Variants in TXNDC11 observed in about 807,000 individuals in gnomAD.
TXNDC11 encodes the protein thioredoxin domain-containing protein 11.
Under a neutral mutation model 78.0 loss-of-function variants are expected in TXNDC11, and 68 were observed. The ratio of observed to expected loss-of-function variants is 0.87; its 90% CI spans 0.72 to 1.07. The LOEUF is 1.07. Among genes scored for constraint, TXNDC11 ranks in the 50% least tolerant of loss-of-function variants. The pLI, the probability that TXNDC11 is intolerant of heterozygous loss-of-function variation, is 0.00. For missense variants in TXNDC11, 1,389 were observed against 1,221.8 expected (o/e 1.14, Z -2.04); for synonymous variants, 571 against 495.2 (o/e 1.15, Z -2.03).
intron 6 of TXNDC11, 116 bp from the exon 7 acceptor site, chr16:11,698,441 C>T (rs2050919798): frequency 1.2e-5 from 10 of 848,076 alleles, no homozygotes; most frequent in East Asian, 7.7e-5. Context: ...AGGCGTGGAG[C>T]GGGGCCTGGC....
At chr16:11,700,794 C>T (rs1302871529) in intron 5 of TXNDC11, among the ~76,000 whole-genome samples, 2 of 152,192 alleles carry the variant, frequency 1.3e-5, no homozygotes, top group Non-Finnish European at 2.9e-5. Context: ...ACGTCTCTGA[C>T]AATCACTTGT....
Position 11,742,540 on chromosome 16 carries a change from TC to T in TXNDC11, c.190del (p.Glu64SerfsTer27). The T allele has an allele frequency of 1.4e-6, 2 of 1,460,770 alleles. No individual in the cohort carries two copies. The highest frequency in any genetic ancestry group is 2.6e-5 in the South Asian group (2 of 75,854). 90.5% of individuals were successfully genotyped at this position (1,460,770 alleles called of 1,614,324 possible). On this transcript the variant is annotated frameshift_variant, in exon 1 of 12. Coordinates refer to ENST00000283033, the MANE Select transcript of TXNDC11 (RefSeq NM_015914.7). LOFTEE classifies it high-confidence loss of function. Reference sequence around the variant, plus strand: ...GAGCGCCACGGCCCCGCAGAGCAGCTCCGGCCGCTGGCGCGCCATGAGGAAG... The same window carrying T: ...GAGCGCCACGGCCCCGCAGAGCAGCTCGGCCGCTGGCGCGCCATGAGGAAG... The part of the protein sequence containing the change: ...GAFLMARQRP[E>X]LLCGAVALGC...
intron 1 of TXNDC11, among the ~76,000 whole-genome samples, chr16:11,739,110 A>G (rs1395930287): frequency 6.6e-6 from 1 of 152,226 alleles, no homozygotes; most frequent in African/African-American, 2.4e-5. Context: ...GAAAGGATAA[A>G]GAGCAACTCA....
chr16:11,691,848 G>A lies in TXNDC11; in HGVS notation c.1342C>T (p.Gln448Ter). Reference sequence around the variant, plus strand: ...CTCGGCTTCATGCCCCCGGAGGTCTGGTTGACACAGAGTTCACAGACGTTG... The same window carrying A: ...CTCGGCTTCATGCCCCCGGAGGTCTAGTTGACACAGAGTTCACAGACGTTG... The part of the protein sequence containing the change: ...THNVCELCVN[Q>*]TSGGMKPSSV... The change falls in exon 8 of 12, where the codon CAG (glutamine) becomes TAG (stop). Residue 448 changes from glutamine to a stop codon, truncating the protein, a stop_gained. Transcript: ENST00000283033. LOFTEE classifies it high-confidence loss of function. The A allele has an allele frequency of 6.2e-7, 1 of 1,614,252 alleles. No individual in the cohort carries two copies. The highest frequency in any genetic ancestry group is 8.5e-7 in the Non-Finnish European group (1 of 1,180,044).
intron 5 of TXNDC11, among the ~76,000 whole-genome samples, chr16:11,705,428 G>C (rs940286816): frequency 6.6e-6 from 1 of 152,190 alleles, no homozygotes; most frequent in Non-Finnish European, 1.5e-5. Flanking sequence ...AAGAGAGGAC[G>C]TGATTTAGTA....
chr16:11,709,827 A>G (rs1255085957), intron 5 of TXNDC11, among the ~76,000 whole-genome samples: 1 of 152,232 alleles, frequency 6.6e-6, no homozygotes, highest in African/African-American at 2.4e-5. Context: ...CTGTAGTACT[A>G]AATACGCATT....
chr16:11,701,186 G>C (rs541436070), intron 5 of TXNDC11, among the ~76,000 whole-genome samples: 70 of 139,686 alleles, frequency 5.0e-4, no homozygotes, highest in African/African-American at 1.9e-3. Flanking sequence ...GCCCAGGTTG[G>C]AGTGCAGTGG....
At chr16:11,686,818 A>G (rs9929898) in intron 10 of TXNDC11, among the ~76,000 whole-genome samples, 5,973 of 152,278 alleles carry the variant, frequency 0.039, 414 homozygotes, top group African/African-American at 0.14. Context: ...GGGAGGCTGG[A>G]GTATGAATGC....
chr16:11,715,498 A>T (rs530292686), intron 5 of TXNDC11, among the ~76,000 whole-genome samples: 1 of 152,018 alleles, frequency 6.6e-6, no homozygotes, highest in African/African-American at 2.4e-5. Flanking sequence ...CAGGCAGGGA[A>T]ATTCCTACAC....
At chr16:11,734,884 T>C (rs1224915855) in intron 2 of TXNDC11, among the ~76,000 whole-genome samples, 1 of 152,166 alleles carries the variant, frequency 6.6e-6, no homozygotes, top group Admixed American at 6.5e-5. Context: ...CTTGCTACAA[T>C]GACTGGGGGA....
chr16:11,702,639 C>T (rs1165563157), intron 5 of TXNDC11, among the ~76,000 whole-genome samples: 1 of 152,216 alleles, frequency 6.6e-6, no homozygotes, highest in Non-Finnish European at 1.5e-5. Context: ...GATCGTGCCA[C>T]TGCACTCTAG....
chr16:11,730,564 T>G, intron 4 of TXNDC11, 81 bp downstream of exon 4: 4 of 1,458,978 alleles, frequency 2.7e-6, no homozygotes, highest in Non-Finnish European at 3.8e-6. Flanking sequence ...GGTATTTTTT[T>G]AAACCCCTTT....
intron 5 of TXNDC11, among the ~76,000 whole-genome samples, chr16:11,704,073 CAA>C (rs1209898690): frequency 6.6e-6 from 1 of 151,990 alleles, no homozygotes; most frequent in Admixed American, 6.6e-5. Flanking sequence ...GCCTGGGTGA[CAA>C]GAGTGAAACT....
At chr16:11,682,570 G>C (rs975396214) in intron 11 of TXNDC11, among the ~76,000 whole-genome samples, 6 of 152,184 alleles carry the variant, frequency 3.9e-5, no homozygotes, top group Non-Finnish European at 8.8e-5. Context: ...CAGCTGCTGA[G>C]AACTTCTTCA....
intron 1 of TXNDC11, among the ~76,000 whole-genome samples, chr16:11,737,900 G>C (rs2052274019): frequency 1.4e-5 from 2 of 146,056 alleles, no homozygotes; most frequent in African/African-American, 5.1e-5. Flanking sequence ...AGGAGGAGCA[G>C]ACTGCCAGAC....
intron 5 of TXNDC11, among the ~76,000 whole-genome samples, chr16:11,707,830 T>G (rs1567321307): frequency 6.6e-6 from 1 of 151,902 alleles, no homozygotes; most frequent in Non-Finnish European, 1.5e-5. Flanking sequence ...ATCTATAATC[T>G]CAACAGTTTT....
intron 2 of TXNDC11, among the ~76,000 whole-genome samples, chr16:11,734,586 C>T (rs2052165927): frequency 6.6e-6 from 1 of 152,122 alleles, no homozygotes; most frequent in East Asian, 1.9e-4. Flanking sequence ...CCTGGCACAC[C>T]AGAATATCAT....
At chr16:11,693,507 AGT>A (rs1658550994) in intron 7 of TXNDC11, among the ~76,000 whole-genome samples, 1 of 152,168 alleles carries the variant, frequency 6.6e-6, no homozygotes, top group Non-Finnish European at 1.5e-5. Context: ...CAATTCAATG[AGT>A]GTAATTTCCA....
At chr16:11,680,992 C>A (rs1272675937) in intron 11 of TXNDC11, among the ~76,000 whole-genome samples, 1 of 151,656 alleles carries the variant, frequency 6.6e-6, no homozygotes, top group Non-Finnish European at 1.5e-5. Flanking sequence ...TATAGTAAGG[C>A]CTCATCTGTA....
Sources: gnomAD v4.1 joint callset for allele counts (sites outside exome capture counted in the v4.1 genomes callset) on GRCh38, gnomAD v4.1.1 for gene constraint, MANE v1.5 for transcripts, NCBI Gene and HGNC (gene_info 2026-07-23, HGNC 2026-07-21) for gene names.